Variants in DLGAP2 observed in about 807,000 individuals in gnomAD.
The protein encoded by DLGAP2 is disks large-associated protein 2.
A neutral mutation model predicts 100.3 loss-of-function variants in DLGAP2; 26 were observed. That is an observed-to-expected ratio of 0.26 (90% CI 0.19 to 0.36). The LOEUF is 0.36. Among genes scored for constraint, DLGAP2 ranks in the 10% least tolerant of loss-of-function variants. DLGAP2 has a pLI of 1.00. For synonymous variants in DLGAP2, 886 were observed against 630.1 expected (o/e 1.41, Z -6.08); for missense variants, 1,858 against 1,453.2 (o/e 1.28, Z -4.53).
intron 2 of DLGAP2, among the ~76,000 whole-genome samples, chr8:1,087,654 T>C (rs978011707): frequency 6.6e-6 from 1 of 152,056 alleles, no homozygotes; most frequent in Admixed American, 6.6e-5. Flanking sequence ...CACATCAACA[T>C]CTTTGATTCC....
chr8:1,603,893 A>G (rs1796711934), intron 6 of DLGAP2, among the ~76,000 whole-genome samples: 1 of 152,158 alleles, frequency 6.6e-6, no homozygotes, highest in Non-Finnish European at 1.5e-5. Context: ...GTGAGATTCC[A>G]TGCAAATTAC....
chr8:1,454,566 G>A (rs78212504), intron 3 of DLGAP2, among the ~76,000 whole-genome samples: 2,544 of 152,242 alleles, frequency 0.017, 70 homozygotes, highest in African/African-American at 0.057. Context: ...ACCAATGTGA[G>A]TGTTCATTGC....
At chr8:1,519,741 G>T (rs1048138157) in intron 4 of DLGAP2, among the ~76,000 whole-genome samples, 2 of 152,250 alleles carry the variant, frequency 1.3e-5, no homozygotes, top group East Asian at 1.9e-4. Flanking sequence ...CCAGCCTGCG[G>T]GCCTGGCCCA....
chr8:1,688,807 A>G (rs1799178747), intron 12 of DLGAP2, among the ~76,000 whole-genome samples: 1 of 152,218 alleles, frequency 6.6e-6, no homozygotes, highest in South Asian at 2.1e-4. Flanking sequence ...AAAATGAGGG[A>G]GGCACCGCAC....
intron 6 of DLGAP2, among the ~76,000 whole-genome samples, chr8:1,572,454 T>TG (rs202101901): frequency 1.1e-4 from 11 of 97,752 alleles, no homozygotes; most frequent in East Asian, 3.4e-4. Flanking sequence ...AGGTGAACTG[T>TG]GGGGCGTCTG....
chr8:1,482,351 C>T (rs529883299), intron 3 of DLGAP2, among the ~76,000 whole-genome samples: 4 of 152,372 alleles, frequency 2.6e-5, no homozygotes, highest in South Asian at 2.1e-4. Flanking sequence ...GAGTTCTAAT[C>T]TCCACCCTCT....
intron 1 of DLGAP2, among the ~76,000 whole-genome samples, chr8:861,946 A>G (rs1032823460): frequency 3.3e-5 from 5 of 152,198 alleles, no homozygotes; most frequent in African/African-American, 4.8e-5. Context: ...ATTCATTAGG[A>G]AATTATTTTA....
chr8:1,244,257 A>G (rs1798860175), intron 2 of DLGAP2, among the ~76,000 whole-genome samples: 1 of 152,248 alleles, frequency 6.6e-6, no homozygotes, highest in Admixed American at 6.5e-5. Flanking sequence ...AGTGCCCGGC[A>G]TAGACTCTGT....
chr8:1,490,533 C>T (rs537240155), intron 3 of DLGAP2, among the ~76,000 whole-genome samples: 47 of 152,296 alleles, frequency 3.1e-4, no homozygotes, highest in African/African-American at 1.1e-3. Context: ...GTTCTGTGTT[C>T]GTGTGGAAAG....
At chr8:986,923 G>A (rs1800504499) in intron 2 of DLGAP2, among the ~76,000 whole-genome samples, 1 of 152,152 alleles carries the variant, frequency 6.6e-6, no homozygotes, top group South Asian at 2.1e-4. Flanking sequence ...ACCTTCCAGA[G>A]TACTAGGATT....
intron 3 of DLGAP2, among the ~76,000 whole-genome samples, chr8:1,420,397 C>T (rs552110066): frequency 6.6e-6 from 1 of 152,162 alleles, no homozygotes; most frequent in African/African-American, 2.4e-5. Flanking sequence ...TTTCTGGCCA[C>T]CTCACTTCTG....
chr8:1,286,509 G>T (rs1042676828), intron 3 of DLGAP2, among the ~76,000 whole-genome samples: 1 of 152,168 alleles, frequency 6.6e-6, no homozygotes, highest in African/African-American at 2.4e-5. Flanking sequence ...GTAAAATGAG[G>T]ACATTGCATA....
chr8:819,268 A>C (rs1013899247), intron 1 of DLGAP2, among the ~76,000 whole-genome samples: 1 of 152,264 alleles, frequency 6.6e-6, no homozygotes, highest in South Asian at 2.1e-4. Flanking sequence ...TATTTAAAAA[A>C]CCCCTCATGA....
chr8:1,522,673 G>A (rs1238665449), intron 4 of DLGAP2, among the ~76,000 whole-genome samples: 1 of 152,234 alleles, frequency 6.6e-6, no homozygotes, highest in Non-Finnish European at 1.5e-5. Flanking sequence ...GAGTGGAGGA[G>A]CTTCTTTTTC....
intron 2 of DLGAP2, among the ~76,000 whole-genome samples, chr8:1,174,970 T>TA (rs1218720247): frequency 3.8e-5 from 2 of 52,634 alleles, no homozygotes; most frequent in Non-Finnish European, 9.6e-5. Context: ...TTCCCCTTTC[T>TA]AGTTCCCCCA....
chr8:1,060,604 A>C (rs1477960598), intron 2 of DLGAP2, among the ~76,000 whole-genome samples: 5 of 152,096 alleles, frequency 3.3e-5, no homozygotes, highest in Non-Finnish European at 7.4e-5. Context: ...TCCTTAATTA[A>C]TCACATCCGT....
chr8:1,697,100 C>G, intron 13 of DLGAP2, 47 bp from the exon 14 acceptor site: 1 of 1,475,126 alleles, frequency 6.8e-7, no homozygotes, highest in Non-Finnish European at 9.0e-7. Flanking sequence ...CAGCCCTGTG[C>G]CCGCAGGAGA....
At chr8:1,346,244 G>C (rs756123473) in intron 3 of DLGAP2, among the ~76,000 whole-genome samples, 13 of 150,804 alleles carry the variant, frequency 8.6e-5, no homozygotes, top group Non-Finnish European at 1.5e-4. Flanking sequence ...GTACACATCT[G>C]CATTGCTCTC....
At chr8:851,233 A>C (rs1211950736) in intron 1 of DLGAP2, among the ~76,000 whole-genome samples, 3 of 152,194 alleles carry the variant, frequency 2.0e-5, no homozygotes, top group South Asian at 2.1e-4. Context: ...TGTGCCATTC[A>C]ACCCAGGGGT....
Sources: gnomAD v4.1 joint callset for allele counts (sites outside exome capture counted in the v4.1 genomes callset) on GRCh38, gnomAD v4.1.1 for gene constraint, MANE v1.5 for transcripts, NCBI Gene and HGNC (gene_info 2026-07-23, HGNC 2026-07-21) for gene names.